Variants in EXOC4 observed in about 807,000 individuals in gnomAD.
EXOC4 encodes the protein exocyst complex component 4.
EXOC4 carries 71 observed loss-of-function variants against 107.2 expected under a neutral mutation model. That is an observed-to-expected ratio of 0.66 (90% CI 0.55 to 0.81). EXOC4 has a LOEUF of 0.81. Among genes scored for constraint, EXOC4 ranks in the 30% least tolerant of loss-of-function variants. The probability of loss-of-function intolerance (pLI) is 0.00; values close to 1 mark genes in which losing one functional copy is unlikely to be tolerated. For synonymous variants in EXOC4, 456 were observed against 441.2 expected, an observed-to-expected ratio of 1.03 and a Z score of -0.42; for missense variants, 1,108 against 1,189.6, an observed-to-expected ratio of 0.93 and a Z score of 1.01.
At chr7:133,888,285 A>G (rs902871782) in intron 11 of EXOC4, among the ~76,000 whole-genome samples, 6 of 152,220 alleles carry the variant, frequency 3.9e-5, no homozygotes, top group Admixed American at 6.5e-5. Context: ...TTTAAGCATA[A>G]TAAAAATGCC....
chr7:133,726,655 C>T (rs187306359), intron 10 of EXOC4, among the ~76,000 whole-genome samples: 89 of 152,308 alleles, frequency 5.8e-4, no homozygotes, highest in Admixed American at 1.3e-3. Flanking sequence ...TCCTTCTTTG[C>T]CTCTTGAAAT....
chr7:133,965,757 A>G (rs910199504), intron 14 of EXOC4, among the ~76,000 whole-genome samples: 1 of 152,138 alleles, frequency 6.6e-6, no homozygotes, highest in African/African-American at 2.4e-5. Flanking sequence ...GTCAGGTAGC[A>G]TGATGCCTCC....
chr7:133,599,963 C>G (rs1801770284), intron 9 of EXOC4, among the ~76,000 whole-genome samples: 1 of 129,394 alleles, frequency 7.7e-6, no homozygotes, highest in Non-Finnish European at 1.5e-5. Context: ...TACAGTGGTA[C>G]AGTCATGGCT....
chr7:133,287,503 G>A (rs1377873359), intron 2 of EXOC4, among the ~76,000 whole-genome samples: 3 of 151,998 alleles, frequency 2.0e-5, no homozygotes, highest in Admixed American at 1.3e-4. Context: ...TTAGTAGAGA[G>A]AGGGTTTCAC....
chr7:133,546,921 A>G (rs1800493409), intron 9 of EXOC4, among the ~76,000 whole-genome samples: 1 of 152,116 alleles, frequency 6.6e-6, no homozygotes, highest in South Asian at 2.1e-4. Context: ...ATTTTAGCTG[A>G]TCCTCCATGT....
intron 15 of EXOC4, among the ~76,000 whole-genome samples, chr7:133,999,401 T>C (rs1794477204): frequency 6.6e-6 from 1 of 152,160 alleles, no homozygotes; most frequent in Non-Finnish European, 1.5e-5. Context: ...TGTGAGAGCC[T>C]TGTGAGTGGA....
At chr7:133,293,526 G>C (rs956641827) in intron 3 of EXOC4, among the ~76,000 whole-genome samples, 1 of 152,188 alleles carries the variant, frequency 6.6e-6, no homozygotes, top group East Asian at 1.9e-4. Context: ...CAGATGCTTA[G>C]TAATTTAATC....
At chr7:133,971,691 C>T (rs1801242984) in intron 14 of EXOC4, among the ~76,000 whole-genome samples, 1 of 151,924 alleles carries the variant, frequency 6.6e-6, no homozygotes, top group East Asian at 1.9e-4. Context: ...GTGAGGAGTA[C>T]CCCAGGCAGT....
chr7:133,427,724 CCGTGGTAGAGA>C (rs1797759924), intron 7 of EXOC4, among the ~76,000 whole-genome samples: 1 of 152,118 alleles, frequency 6.6e-6, no homozygotes, highest in South Asian at 2.1e-4. Context: ...CCATCAATTG[CCGTGGTAGAGA>C]TGAGGCTGGT....
chr7:134,019,218 C>G (rs914846656), intron 17 of EXOC4, among the ~76,000 whole-genome samples: 2 of 152,228 alleles, frequency 1.3e-5, no homozygotes, highest in African/African-American at 4.8e-5. Flanking sequence ...GCATGAGGCA[C>G]AGCGCCCAGC....
intron 10 of EXOC4, among the ~76,000 whole-genome samples, chr7:133,783,429 G>C (rs1796507273): frequency 6.6e-6 from 1 of 152,186 alleles, no homozygotes; most frequent in Non-Finnish European, 1.5e-5. Flanking sequence ...ATGATATCAA[G>C]TCATGGCCCA....
chr7:133,999,550 G>T (rs903675103), intron 15 of EXOC4, among the ~76,000 whole-genome samples: 1 of 152,038 alleles, frequency 6.6e-6, no homozygotes, highest in African/African-American at 2.4e-5. Context: ...TTCATATTTG[G>T]TATCTCTTTA....
At chr7:133,725,820 C>G (rs1483581721) in intron 10 of EXOC4, among the ~76,000 whole-genome samples, 1 of 152,086 alleles carries the variant, frequency 6.6e-6, no homozygotes, top group Non-Finnish European at 1.5e-5. Context: ...TTACCAACTC[C>G]TGGTGTGAAT....
chr7:133,810,578 G>A (rs995482066), intron 10 of EXOC4, among the ~76,000 whole-genome samples: 7 of 147,776 alleles, frequency 4.7e-5, no homozygotes, highest in African/African-American at 1.6e-4. Context: ...GAATTTAGAC[G>A]ATAAGATCCA....
intron 6 of EXOC4, among the ~76,000 whole-genome samples, chr7:133,371,255 C>T (rs1435259733): frequency 6.6e-6 from 1 of 152,122 alleles, no homozygotes; most frequent in East Asian, 1.9e-4. Context: ...AGGTATAATT[C>T]ACTGCTGCAC....
intron 11 of EXOC4, among the ~76,000 whole-genome samples, chr7:133,867,151 G>A (rs1164154452): frequency 6.6e-6 from 1 of 152,202 alleles, no homozygotes; most frequent in Non-Finnish European, 1.5e-5. Context: ...TCTGCAGCCA[G>A]ATTGTCAGGG....
intron 9 of EXOC4, among the ~76,000 whole-genome samples, chr7:133,585,395 A>G (rs1345502142): frequency 6.6e-6 from 1 of 152,174 alleles, no homozygotes. Flanking sequence ...TCATGTATTT[A>G]TTCATTTAAG....
chr7:134,013,116 T>G (rs1258697506), intron 17 of EXOC4, among the ~76,000 whole-genome samples: 2 of 152,186 alleles, frequency 1.3e-5, no homozygotes, highest in Non-Finnish European at 2.9e-5. Flanking sequence ...GGGTTTGATG[T>G]CATCAGGGCA....
intron 10 of EXOC4, among the ~76,000 whole-genome samples, chr7:133,752,679 G>A (rs1393966687): frequency 1.3e-5 from 2 of 152,306 alleles, no homozygotes; most frequent in East Asian, 1.9e-4. Flanking sequence ...AGTACAGGAT[G>A]CCATGGGAGC....
Sources: allele counts gnomAD v4.1 joint callset (sites outside exome capture counted in the v4.1 genomes callset), GRCh38; gene constraint gnomAD v4.1.1; transcripts MANE v1.5; gene names NCBI Gene and HGNC (gene_info 2026-07-23, HGNC 2026-07-21).